ADAMTSL1: variants seen among roughly 807,000 people sequenced by gnomAD.
ADAMTSL1 encodes the protein ADAMTS like 1.
Under a neutral mutation model 201.8 loss-of-function variants are expected in ADAMTSL1, and 126 were observed. The ratio of observed to expected loss-of-function variants is 0.62; its 90% CI spans 0.54 to 0.72. The LOEUF (loss-of-function observed/expected upper bound fraction) is 0.72, where lower values mean the gene tolerates loss of function less well. ADAMTSL1 is among the 30% of genes least tolerant of loss of function. The probability of loss-of-function intolerance (pLI) is 0.00; values close to 1 mark genes in which losing one functional copy is unlikely to be tolerated. For missense variants in ADAMTSL1, 2,679 were observed against 2,277.8 expected, an observed-to-expected ratio of 1.18 and a Z score of -3.59; for synonymous variants, 1,121 against 903.4, an observed-to-expected ratio of 1.24 and a Z score of -4.32.
At chr9:18,192,170 G>T (rs1019207730) in intron 2 of ADAMTSL1, among the ~76,000 whole-genome samples, 1 of 151,982 alleles carries the variant, frequency 6.6e-6, no homozygotes, top group Non-Finnish European at 1.5e-5. Flanking sequence ...TTCTACTCTT[G>T]CAATGACTTA....
chr9:18,576,458 C>T (rs1822731706), intron 4 of ADAMTSL1, among the ~76,000 whole-genome samples: 1 of 152,184 alleles, frequency 6.6e-6, no homozygotes, highest in Non-Finnish European at 1.5e-5. Context: ...ATTTGTCATT[C>T]ATATGCACTA....
At chr9:18,488,806 T>C (rs1184413908) in intron 1 of ADAMTSL1, among the ~76,000 whole-genome samples, 2 of 152,208 alleles carry the variant, frequency 1.3e-5, no homozygotes, top group African/African-American at 4.8e-5. Flanking sequence ...CTGACAGTTT[T>C]GCCTCGTAAC....
At chr9:18,831,371 A>G (rs183923309) in intron 23 of ADAMTSL1, among the ~76,000 whole-genome samples, 20 of 152,330 alleles carry the variant, frequency 1.3e-4, no homozygotes, top group African/African-American at 4.6e-4. Context: ...TAGAATCACT[A>G]TGAGAAACTC....
chr9:18,093,613 T>C (rs1197813414), intron 1 of ADAMTSL1, among the ~76,000 whole-genome samples: 2 of 152,176 alleles, frequency 1.3e-5, no homozygotes, highest in African/African-American at 4.8e-5. Flanking sequence ...TAAATATTAT[T>C]ACTTAGAGTT....
intron 1 of ADAMTSL1, among the ~76,000 whole-genome samples, chr9:18,018,132 A>C (rs751057890): frequency 2.0e-5 from 3 of 152,100 alleles, no homozygotes; most frequent in Admixed American, 2.0e-4. Context: ...TGATATGTGC[A>C]CTCAAAAGCC....
chr9:18,888,172 C>T, intron 24 of ADAMTSL1, 129 bp downstream of exon 24: 3 of 931,768 alleles, frequency 3.2e-6, no homozygotes, highest in South Asian at 1.7e-5. Context: ...CAAAGCCATG[C>T]CATGTTTCCA....
chr9:18,584,611 CT>C (rs146502669), intron 4 of ADAMTSL1, among the ~76,000 whole-genome samples: 20,559 of 152,124 alleles, frequency 0.14, 1,529 homozygotes, highest in African/African-American at 0.2. Context: ...CCAGAGTTAC[CT>C]TTAACATCTA....
At chr9:18,236,709 C>T (rs1461793166) in intron 2 of ADAMTSL1, among the ~76,000 whole-genome samples, 1 of 152,176 alleles carries the variant, frequency 6.6e-6, no homozygotes, top group Non-Finnish European at 1.5e-5. Flanking sequence ...TTCAGAAGCA[C>T]AGGAATTAAA....
At chr9:18,053,355 C>CA (rs953867283) in intron 1 of ADAMTSL1, among the ~76,000 whole-genome samples, 24 of 149,386 alleles carry the variant, frequency 1.6e-4, no homozygotes, top group South Asian at 6.4e-4. Context: ...CTCTCTCTCT[C>CA]AAAAAAAAAT....
At chr9:18,800,717 A>G (rs780080879) in intron 20 of ADAMTSL1, among the ~76,000 whole-genome samples, 1 of 152,206 alleles carries the variant, frequency 6.6e-6, no homozygotes, top group East Asian at 1.9e-4. Flanking sequence ...TCCAACATCT[A>G]TTCAATGGAA....
At chr9:18,010,997 C>T (rs1379677913) in intron 1 of ADAMTSL1, among the ~76,000 whole-genome samples, 1 of 151,836 alleles carries the variant, frequency 6.6e-6, no homozygotes, top group African/African-American at 2.4e-5. Flanking sequence ...CAATCAGTTT[C>T]TGAAAGACAT....
At chr9:18,797,999 C>A (rs532621982) in intron 20 of ADAMTSL1, among the ~76,000 whole-genome samples, 16 of 152,108 alleles carry the variant, frequency 1.1e-4, no homozygotes, top group Admixed American at 5.9e-4. Flanking sequence ...AGTTCACTTG[C>A]AGTCAAATCC....
intron 23 of ADAMTSL1, among the ~76,000 whole-genome samples, chr9:18,841,115 A>C (rs1176162368): frequency 2.6e-5 from 4 of 151,324 alleles, no homozygotes; most frequent in Non-Finnish European, 5.9e-5. Flanking sequence ...GTCTTGTGCC[A>C]GTTTTCAAAG....
Position 18,155,656 on chromosome 9 carries a change from T to C in ADAMTSL1, c.88-8206T>C, listed in dbSNP as rs564589435. On this transcript the variant is annotated intron_variant, in intron 1 of 29. Transcript: ENST00000680146. ...CATGTGGCCTAGAGAAGCCAAAAGA[T>C]TGGACTCCCCTTCTGTAGAGCATTA... Among the ~76,000 whole-genome samples, 38 of 152,148 alleles carry C rather than the reference T, an allele frequency of 2.5e-4. No homozygotes were observed. The East Asian group carries it at 5.2e-3, about 21-fold the overall frequency.
At chr9:18,361,130 C>T (rs1007235076) in intron 2 of ADAMTSL1, among the ~76,000 whole-genome samples, 6 of 151,916 alleles carry the variant, frequency 3.9e-5, no homozygotes, top group South Asian at 2.1e-4. Flanking sequence ...GTTGTACTGT[C>T]GACAGGTTTA....
chr9:18,878,216 C>T (rs1385363219), intron 23 of ADAMTSL1, among the ~76,000 whole-genome samples: 1 of 152,216 alleles, frequency 6.6e-6, no homozygotes, highest in Non-Finnish European at 1.5e-5. Flanking sequence ...AGAAAGCAAG[C>T]AGCGCTTTCA....
rs914344057 is a variant in ADAMTSL1 at position 18,625,329 on chromosome 9, A to G, written c.601+2960A>G. On this transcript the variant is annotated intron_variant, in intron 5 of 28. Coordinates refer to ENST00000380548, the MANE Select transcript of ADAMTSL1 (RefSeq NM_001040272.6). ...CTCAGAGGAACAAAGCAAAAACAGG[A>G]AAGTGGAGAAAAACCATGGTAGAAT... 8.6e-5 allele frequency among the ~76,000 whole-genome samples: 13 copies of G among 152,002 alleles called. 1 individual carries two copies. Among genetic ancestry groups the G allele is most frequent in the Admixed American group, 7.2e-4 (11 of 15,258 alleles).
At chr9:18,699,806 C>A (rs1054003147) in intron 13 of ADAMTSL1, among the ~76,000 whole-genome samples, 1 of 152,108 alleles carries the variant, frequency 6.6e-6, no homozygotes, top group Non-Finnish European at 1.5e-5. Flanking sequence ...TCTCCTGGGG[C>A]ACCTTACAGT....
At chr9:18,345,174 C>T (rs1191555365) in intron 2 of ADAMTSL1, among the ~76,000 whole-genome samples, 2 of 152,118 alleles carry the variant, frequency 1.3e-5, no homozygotes. Context: ...AGTCAGACAA[C>T]ATATTGGCCA....
Sources: gnomAD v4.1 joint callset for allele counts (sites outside exome capture counted in the v4.1 genomes callset) on GRCh38, gnomAD v4.1.1 for gene constraint, MANE v1.5 for transcripts, NCBI Gene and HGNC (gene_info 2026-07-23, HGNC 2026-07-21) for gene names.